Variants in MUC3A observed in about 807,000 individuals in gnomAD.
MUC3A encodes mucin-3A.
MUC3A carries 109 observed loss-of-function variants against 109.0 expected under a neutral mutation model. The observed-to-expected ratio is 1.00, with a 90% CI of 0.86 to 1.17. MUC3A has a LOEUF of 1.17. Among genes scored for constraint, MUC3A ranks in the 50% most tolerant of loss-of-function variants. MUC3A has a pLI of 0.00. For missense variants in MUC3A, 3,537 were observed against 2,469.4 expected, an observed-to-expected ratio of 1.43 and a Z score of -9.16; for synonymous variants, 1,398 against 981.4, an observed-to-expected ratio of 1.42 and a Z score of -7.93.
At chr7:100,966,300 C>T in intron 8 of MUC3A, 86 bp from the exon 9 acceptor site, 1 of 1,251,520 alleles carries the variant, frequency 8.0e-7, no homozygotes, top group Non-Finnish European at 1.0e-6. Context: ...GAGCCCCGCC[C>T]CCTCACCCGC....
rs754351897 is a variant in MUC3A, at chr7:100,960,398, G to A, written c.8619G>A (p.Leu2873=). The change falls in exon 2 of 12, where the codon CTG becomes CTA. Residue 2873 remains leucine, a synonymous_variant. Transcript: ENST00000379458. Reference sequence around the variant, plus strand: ...GACTGCCCACCAGTGAGACCTGGCTGAGCAACAGTTCTGTGATCCCCCTAC... The same window carrying A: ...GACTGCCCACCAGTGAGACCTGGCTAAGCAACAGTTCTGTGATCCCCCTAC... The part of the protein sequence containing the change: ...STRLPTSETW[L]SNSSVIPLPL... 15 of 1,598,416 alleles carry A rather than the reference G, an allele frequency of 9.4e-6. No homozygotes were observed. In the East Asian group the frequency reaches 3.1e-4, roughly 33 times the overall value.
Position 100,959,161 on chromosome 7 carries a change from C to T in MUC3A, c.7382C>T (p.Ser2461Leu), listed in dbSNP as rs1374849774. Residue 2461 changes from serine to leucine, a missense_variant, in exon 2 of 12, where the codon TCA becomes TTA. By Grantham distance (145) the Ser-to-Leu change is moderately radical (BLOSUM62 -2). Transcript: ENST00000379458. ...AGCACATCCACAACTGCCATCACCT[C>T]ACATTTTACTACCTCAGAGACTGCG... ...TVSTSTTAIT[S>L]HFTTSETAVT... 6.3e-7 allele frequency: 1 copy of T among 1,598,572 alleles called. No homozygotes were observed. The highest frequency in any genetic ancestry group is 1.1e-5 in the South Asian group (1 of 91,090).
At position 100,952,228 on chromosome 7, in the gene MUC3A, A is replaced by C; in HGVS notation, c.449A>C (p.Gln150Pro). Residue 150 changes from glutamine (Q) to proline (P), a missense_variant, in exon 2 of 12, where the codon CAG (glutamine) becomes CCG (proline). Coordinates refer to ENST00000379458, the MANE Select transcript of MUC3A (RefSeq NM_005960.2). ...HPTSICVTTT[Q>P]VAFTSSYTST... ...ACCTCCATCTGTGTGACCACGACGC[A>C]GGTGGCCTTCACCAGCTCTTACACC... is the stretch of plus-strand genomic sequence containing the variant. The C allele has an allele frequency of 1.3e-6, 2 of 1,598,548 alleles. No homozygotes were observed. Among genetic ancestry groups the C allele is most frequent in the Non-Finnish European group, 1.7e-6 (2 of 1,179,798 alleles).
Position 100,953,179 on chromosome 7 carries a change from AC to A in MUC3A, c.1402del (p.Leu468SerfsTer35), listed in dbSNP as rs1792018605. ...GSTGFLTTAT[D>X]LTSTFTVSSS... Reference sequence around the variant, plus strand: ...ACCGGTTTCCTGACTACAGCAACAGACCTCACATCAACATTCACGGTTTCCA... The same window carrying A: ...ACCGGTTTCCTGACTACAGCAACAGACTCACATCAACATTCACGGTTTCCA... On this transcript the variant is annotated frameshift_variant, in exon 2 of 12. Transcript: ENST00000379458. LOFTEE classifies it high-confidence loss of function. 1.7e-6 allele frequency: 1 copy of A among 591,740 alleles called. No homozygotes were observed. Among genetic ancestry groups the A allele is most frequent in the African/African-American group, 1.9e-5 (1 of 51,370 alleles). The allele number at this position is 591,740 out of a possible 1,614,324, so 36.7% of individuals were successfully genotyped here.
chr7:100,961,401 C>A, intron 3 of MUC3A, among the ~76,000 whole-genome samples: 1 of 1,290 alleles, frequency 7.8e-4, no homozygotes, highest in Middle Eastern at 0.25. Context: ...AAGCCTGCAT[C>A]TCTCTGTGTC....
chr7:100,958,060 C>G lies in MUC3A; in HGVS notation c.6281C>G (p.Thr2094Ser). The G allele has an allele frequency of 2.6e-6, 3 of 1,160,202 alleles. No individual in the cohort carries two copies. The highest frequency in any genetic ancestry group is 2.6e-6 in the Non-Finnish European group (2 of 781,976). 71.9% of individuals were successfully genotyped at this position (1,160,202 alleles called of 1,614,324 possible). ...CCCTCACACAGTACTCTCAGCTTCA[C>G]TTCTTCAATCACCACCACTGAGACC... ...ETPSHSTLSF[T>S]SSITTTETTS... Residue 2094 changes from threonine (T) to serine (S), a missense_variant, in exon 2 of 12, where the codon ACT (threonine) becomes AGT (serine). By Grantham distance (58) the Thr-to-Ser change is moderately conservative. Coordinates refer to ENST00000379458, the MANE Select transcript of MUC3A (RefSeq NM_005960.2).
chr7:100,960,576 C>G lies in MUC3A; in HGVS notation c.8797C>G (p.Leu2933Val), dbSNP rs545410127. The stretch of plus-strand genomic sequence containing the variant: ...GGCCACTACCCAGACTCCTACCACC[C>G]TTACATCACGCAGGACAACTCGCAT... ...PVATTQTPTTLTSRRTTRITS... is the reference protein window; with the variant it reads ...PVATTQTPTTVTSRRTTRITS... Residue 2933 changes from leucine to valine, a missense_variant, in exon 2 of 12, where the codon CTT becomes GTT. By Grantham distance (32) the Leu-to-Val change is conservative. Transcript: ENST00000379458. 6.3e-7 allele frequency: 1 copy of G among 1,598,730 alleles called. No individual in the cohort carries two copies. The highest frequency in any genetic ancestry group is 1.3e-5 in the African/African-American group (1 of 75,084).
chr7:100,967,326 T>C lies in MUC3A; in HGVS notation c.*164T>C. The C allele has an allele frequency of 8.2e-7, 1 of 1,216,478 alleles. No individual in the cohort carries two copies. The highest frequency in any genetic ancestry group is 1.1e-6 in the Non-Finnish European group (1 of 879,708). 75.4% of individuals were successfully genotyped at this position (1,216,478 alleles called of 1,614,324 possible). A position where few individuals can be genotyped will look rare whatever the true frequency, so the allele number is the denominator to read the frequency against. On this transcript the variant is annotated 3_prime_UTR_variant, in exon 12 of 12. Transcript: ENST00000379458. ...CAAATCCCATCCTTCTCCTTCCAAC[T>C]TGGCTGAAACCCACCTGGAGACGCA... is the stretch of plus-strand genomic sequence containing the variant.
intron 5 of MUC3A, 154 bp from the exon 6 acceptor site, chr7:100,964,541 G>T (rs961335910): frequency 7.9e-7 from 1 of 1,272,644 alleles, no homozygotes; most frequent in Non-Finnish European, 1.1e-6. Flanking sequence ...AGGAATGCTG[G>T]CAGCCCCTTC....
In MUC3A at chr7:100,958,567, C is replaced by G. The variant is rs371207007; in HGVS notation, c.6788C>G (p.Thr2263Ser). The change falls in exon 2 of 12, where the codon ACT becomes AGT. Residue 2263 changes from threonine (T) to serine (S), a missense_variant. Thr to Ser is a moderately conservative substitution (Grantham distance 58). Transcript: ENST00000379458. ...TPSFTSSITT[T>S]ETTSHDTPSF... is the part of the protein sequence containing the mutation. The stretch of plus-strand genomic sequence containing the variant: ...AGCTTCACTTCTTCGATCACCACCA[C>G]TGAGACCACCTCACATGATACTCCC... The G allele has an allele frequency of 2.0e-5, 28 of 1,433,764 alleles. No homozygotes were observed. Among genetic ancestry groups the G allele is most frequent in the Non-Finnish European group, 2.6e-5 (27 of 1,033,632 alleles). The allele number at this position is 1,433,764 out of a possible 1,614,324, so 88.8% of individuals were successfully genotyped here.
chr7:100,964,608 G>A, intron 5 of MUC3A, 87 bp from the exon 6 acceptor site: 1 of 1,505,640 alleles, frequency 6.6e-7, no homozygotes, highest in Non-Finnish European at 8.9e-7. Flanking sequence ...CCCCCTTCTG[G>A]TGCACTTTGG....
Position 100,963,287 on chromosome 7 carries a change from ATTT to A in MUC3A, c.9168+35_9168+37del, listed in dbSNP as rs34281234. 8,917 of 1,343,212 alleles carry A rather than the reference ATTT, an allele frequency of 6.6e-3. 21 individuals carry two copies. In the African/African-American group the frequency reaches 0.087, roughly 13 times the overall value. The allele number at this position is 1,343,212 out of a possible 1,614,324, so 83.2% of individuals were successfully genotyped here. A position where few individuals can be genotyped will look rare whatever the true frequency, so the allele number is the denominator to read the frequency against. On this transcript the variant is annotated intron_variant, in intron 4 of 11. Coordinates refer to ENST00000379458, the MANE Select transcript of MUC3A (RefSeq NM_005960.2). The stretch of plus-strand genomic sequence containing the variant: ...ATCAGGTAAAGGGCAAAGAGAGGGG[ATTT>A]TTTTTTTTTTTTTGAGGTGTAGTCT...
At chr7:100,963,990 G>A (rs886127003) in intron 5 of MUC3A, 20,103 of 634,968 alleles carry the variant, frequency 0.032, no homozygotes, top group South Asian at 0.04. Flanking sequence ...GGGACATGTG[G>A]GAAGGTGGTG....
chr7:100,958,075 C>T lies in MUC3A; in HGVS notation c.6296C>T (p.Thr2099Ile), dbSNP rs1792148753. 30 of 1,401,236 alleles carry T rather than the reference C, an allele frequency of 2.1e-5. No homozygotes were observed. The highest frequency in any genetic ancestry group is 4.7e-5 in the East Asian group (2 of 42,872). 86.8% of individuals were successfully genotyped at this position (1,401,236 alleles called of 1,614,324 possible). Residue 2099 changes from threonine (T) to isoleucine (I), a missense_variant, in exon 2 of 12, where the codon ACC becomes ATC. Transcript: ENST00000379458. ...CTCAGCTTCACTTCTTCAATCACCA[C>T]CACTGAGACCACCTCACACAGTACT... Reference protein sequence around the residue: ...STLSFTSSITTTETTSHSTPS... With the variant: ...STLSFTSSITITETTSHSTPS...
chr7:100,958,500 T>G lies in MUC3A; in HGVS notation c.6721T>G (p.Ser2241Ala). The change falls in exon 2 of 12, where the codon TCT (serine) becomes GCT (alanine). Residue 2241 changes from serine to alanine, a missense_variant. Coordinates refer to ENST00000379458, the MANE Select transcript of MUC3A (RefSeq NM_005960.2). ...ATCCCACAGTACTCCCGGCTTCACT[T>G]CTTCAATCACCACCACTGAGACTAC... ...TTSHSTPGFT[S>A]SITTTETTSH... 1 of 996,606 alleles carries G rather than the reference T, an allele frequency of 1.0e-6. No individual in the cohort carries two copies. The highest frequency in any genetic ancestry group is 1.3e-5 in the South Asian group (1 of 77,926). 61.7% of individuals were successfully genotyped at this position (996,606 alleles called of 1,614,324 possible). A position where few individuals can be genotyped will look rare whatever the true frequency, so the allele number is the denominator to read the frequency against.
Position 100,958,052 on chromosome 7 carries a change from C to A in MUC3A, c.6273C>A (p.Leu2091=). Residue 2091 remains leucine, a synonymous_variant, in exon 2 of 12, where the codon CTC becomes CTA. Transcript: ENST00000379458. ...CCGAGACCCCCTCACACAGTACTCT[C>A]AGCTTCACTTCTTCAATCACCACCA... ...TTTETPSHST[L]SFTSSITTTE... The A allele has an allele frequency of 7.3e-7, 1 of 1,363,598 alleles. No individual in the cohort carries two copies. The highest frequency in any genetic ancestry group is 1.0e-6 in the Non-Finnish European group (1 of 968,096). 84.5% of individuals were successfully genotyped at this position (1,363,598 alleles called of 1,614,324 possible). A position where few individuals can be genotyped will look rare whatever the true frequency, so the allele number is the denominator to read the frequency against.
Position 100,960,226 on chromosome 7 carries a change from C to A in MUC3A, c.8447C>A (p.Pro2816His). 6.3e-7 allele frequency: 1 copy of A among 1,598,104 alleles called. No individual in the cohort carries two copies. Residue 2816 changes from proline to histidine, a missense_variant, in exon 2 of 12, where the codon CCT becomes CAT. By Grantham distance (77) the Pro-to-His change is moderately conservative. Transcript: ENST00000379458. ...FPFTTEMVTC[P>H]TSISIQTTLT... ...TTTACTACCGAAATGGTCACCTGTC[C>A]TACCTCCATCAGTATCCAAACTACT...
In MUC3A at chr7:100,953,951, G is replaced by A. The variant is rs1427865119; in HGVS notation, c.2172G>A (p.Thr724=). 2.3e-6 allele frequency: 1 copy of A among 430,686 alleles called. No homozygotes were observed. The highest frequency in any genetic ancestry group is 3.5e-5 in the East Asian group (1 of 28,464). 26.7% of individuals were successfully genotyped at this position (430,686 alleles called of 1,614,324 possible). Residue 724 remains threonine (T), a synonymous_variant, in exon 2 of 12, where the codon ACG becomes ACA. Transcript: ENST00000379458. Reference sequence around the variant, plus strand: ...CTGGTCCTGGTACAAACTCCACGACGGAAATCACCTATCCCACCACTATGA... The same window carrying A: ...CTGGTCCTGGTACAAACTCCACGACAGAAATCACCTATCCCACCACTATGA... ...SPTGPGTNST[T]EITYPTTMTE...
At position 100,959,488 on chromosome 7, in the gene MUC3A, T is replaced by C. The variant is rs375370881; in HGVS notation, c.7709T>C (p.Ile2570Thr). 1 of 1,584,122 alleles carries C rather than the reference T, an allele frequency of 6.3e-7. No homozygotes were observed. The highest frequency in any genetic ancestry group is 1.7e-5 in the Admixed American group (1 of 57,930). Reference protein sequence around the residue: ...NTPISSFSTSIVVIPETPTQT... With the variant: ...NTPISSFSTSTVVIPETPTQT... ...CCAATCAGTTCCTTTAGCACAAGTA[T>C]TGTTGTTATACCTGAAACCCCAACA... Residue 2570 changes from isoleucine (I) to threonine (T), a missense_variant, in exon 2 of 12, where the codon ATT (isoleucine) becomes ACT (threonine). By Grantham distance (89) the Ile-to-Thr change is moderately conservative. Coordinates refer to ENST00000379458, the MANE Select transcript of MUC3A (RefSeq NM_005960.2).
Sources: gnomAD v4.1 joint callset for allele counts (sites outside exome capture counted in the v4.1 genomes callset) on GRCh38, gnomAD v4.1.1 for gene constraint, MANE v1.5 for transcripts, NCBI Gene and HGNC (gene_info 2026-07-23, HGNC 2026-07-21) for gene names.